The following CNTN6 variants were observed in gnomAD, a reference collection of about 807,000 sequenced individuals.
CNTN6 encodes the protein contactin-6.
Under a neutral mutation model 122.8 loss-of-function variants are expected in CNTN6, and 137 were observed. The observed-to-expected ratio is 1.12, with a 90% CI of 0.97 to 1.29. The LOEUF is 1.29. Ranked by LOEUF, CNTN6 falls within the 50% of genes most tolerant of loss-of-function variation. CNTN6 has a pLI of 0.00. For missense variants in CNTN6, 1,634 were observed against 1,223.4 expected (o/e 1.34, Z -5.01); for synonymous variants, 570 against 426.0 (o/e 1.34, Z -4.16).
chr3:1,346,268 G>T (rs1704680100), intron 11 of CNTN6, among the ~76,000 whole-genome samples: 1 of 152,088 alleles, frequency 6.6e-6, no homozygotes, highest in African/African-American at 2.4e-5. Context: ...TACAATGCAG[G>T]TGCTATCGTT....
At chr3:1,237,286 G>A in intron 4 of CNTN6, among the ~76,000 whole-genome samples, 1 of 151,760 alleles carries the variant, frequency 6.6e-6, no homozygotes, top group East Asian at 1.9e-4. Context: ...GCAGAAGAAA[G>A]AACTTCAGAG....
At chr3:1,192,577 T>C (rs573119874) in intron 2 of CNTN6, among the ~76,000 whole-genome samples, 1 of 152,232 alleles carries the variant, frequency 6.6e-6, no homozygotes, top group East Asian at 1.9e-4. Flanking sequence ...TTTCAGAAGT[T>C]CTGTTCTTCT....
chr3:1,127,056 AAAGT>A (rs1195866443), intron 1 of CNTN6, among the ~76,000 whole-genome samples: 1 of 151,534 alleles, frequency 6.6e-6, no homozygotes, highest in Non-Finnish European at 1.5e-5. Flanking sequence ...AAATTATATA[AAAGT>A]AAATTTAGTT....
In CNTN6 at chr3:1,325,816, T is replaced by C; in HGVS notation, c.948T>C (p.Ala316=). ...NLAKGQLIFY[A]PPEWEQKIQN... Reference sequence around the variant, plus strand: ...GTGGCACTTGCCTTTTTGAAACAGCTCCTCCAGAATGGGAACAGAAAATCC... The same window carrying C: ...GTGGCACTTGCCTTTTTGAAACAGCCCCTCCAGAATGGGAACAGAAAATCC... Residue 316 remains alanine (A), a splice_region_variant and synonymous_variant, in exon 9 of 23, where the codon GCT becomes GCC. Coordinates refer to ENST00000446702, the MANE Select transcript of CNTN6 (RefSeq NM_001289080.2). The C allele has an allele frequency of 6.2e-7, 1 of 1,609,322 alleles. No individual in the cohort carries two copies. The highest frequency in any genetic ancestry group is 8.5e-7 in the Non-Finnish European group (1 of 1,177,802).
intron 2 of CNTN6, 90 bp downstream of exon 2, chr3:1,148,153 A>G (rs2092762944): frequency 1.1e-6 from 1 of 951,822 alleles, no homozygotes; most frequent in Non-Finnish European, 1.7e-6. Flanking sequence ...AAAATGCACA[A>G]TTTGTATGTT....
At chr3:1,358,890 C>G (rs984559422) in intron 12 of CNTN6, among the ~76,000 whole-genome samples, 1 of 151,896 alleles carries the variant, frequency 6.6e-6, no homozygotes, top group Admixed American at 6.6e-5. Flanking sequence ...AAGACCTTAT[C>G]TCTACTAAAA....
intron 8 of CNTN6, among the ~76,000 whole-genome samples, chr3:1,325,072 G>A (rs915795744): frequency 6.6e-6 from 1 of 151,814 alleles, no homozygotes; most frequent in African/African-American, 2.4e-5. Flanking sequence ...ATATTCATGT[G>A]AAAACATTTA....
At chr3:1,166,128 T>G (rs1032764490) in intron 2 of CNTN6, among the ~76,000 whole-genome samples, 10 of 152,240 alleles carry the variant, frequency 6.6e-5, no homozygotes, top group Admixed American at 6.5e-5. Context: ...GGCAGCTCAT[T>G]GGCATCAACT....
At chr3:1,248,752 G>A (rs571640328) in intron 4 of CNTN6, among the ~76,000 whole-genome samples, 17 of 152,162 alleles carry the variant, frequency 1.1e-4, no homozygotes, top group African/African-American at 2.9e-4. Context: ...CCCGAGAGGC[G>A]GAGGTTGCAG....
At chr3:1,382,291 C>G (rs1460871583) in intron 17 of CNTN6, among the ~76,000 whole-genome samples, 1 of 151,998 alleles carries the variant, frequency 6.6e-6, no homozygotes, top group African/African-American at 2.4e-5. Context: ...GGAATATTAC[C>G]AATTTCTATT....
intron 11 of CNTN6, among the ~76,000 whole-genome samples, chr3:1,350,011 T>A (rs1705376632): frequency 6.6e-6 from 1 of 151,858 alleles, no homozygotes; most frequent in Non-Finnish European, 1.5e-5. Flanking sequence ...TTTGGCTATT[T>A]TTATAAAACA....
chr3:1,400,252 T>C (rs1695515560), intron 20 of CNTN6, among the ~76,000 whole-genome samples: 1 of 152,074 alleles, frequency 6.6e-6, no homozygotes, highest in South Asian at 2.1e-4. Flanking sequence ...ATCTCTCCAG[T>C]TTCAATCTCA....
At chr3:1,374,199 C>G (rs562760603) in intron 16 of CNTN6, 126 bp downstream of exon 16, 2 of 862,332 alleles carry the variant, frequency 2.3e-6, no homozygotes, top group African/African-American at 3.5e-5. Flanking sequence ...AAACGAGTGG[C>G]TCTCATTTTC....
chr3:1,196,726 A>G (rs969646884), intron 2 of CNTN6, among the ~76,000 whole-genome samples: 1 of 152,218 alleles, frequency 6.6e-6, no homozygotes, highest in African/African-American at 2.4e-5. Context: ...TAGGAAATTT[A>G]GTAATTTTAA....
At chr3:1,298,119 G>A (rs1013064716) in intron 7 of CNTN6, 128 bp downstream of exon 7, 1 of 639,098 alleles carries the variant, frequency 1.6e-6, no homozygotes, top group Non-Finnish European at 2.7e-6. Context: ...GGCAACAGTG[G>A]AACTTTCTGA....
chr3:1,298,976 C>G (rs1696749424), intron 7 of CNTN6, among the ~76,000 whole-genome samples: 1 of 152,138 alleles, frequency 6.6e-6, no homozygotes, highest in African/African-American at 2.4e-5. Context: ...TTAAATGTCT[C>G]AGTCATATTA....
chr3:1,330,433 C>T (rs908053143), intron 11 of CNTN6, among the ~76,000 whole-genome samples: 5 of 151,764 alleles, frequency 3.3e-5, no homozygotes, highest in African/African-American at 1.2e-4. Flanking sequence ...AGTTGAGAAA[C>T]CCTAGGTCAG....
At chr3:1,098,304 A>G (rs1559304445) in intron 1 of CNTN6, among the ~76,000 whole-genome samples, 1 of 152,084 alleles carries the variant, frequency 6.6e-6, no homozygotes, top group African/African-American at 2.4e-5. Flanking sequence ...TATAAAAGCA[A>G]TGAACAGAAA....
chr3:1,104,750 C>T (rs1490809425), intron 1 of CNTN6, among the ~76,000 whole-genome samples: 1 of 151,732 alleles, frequency 6.6e-6, no homozygotes, highest in Non-Finnish European at 1.5e-5. Context: ...TATGTGTGTA[C>T]GTGTGTGCGT....
Sources: allele counts gnomAD v4.1 joint callset (sites outside exome capture counted in the v4.1 genomes callset), GRCh38; gene constraint gnomAD v4.1.1; transcripts MANE v1.5; gene names NCBI Gene and HGNC (gene_info 2026-07-23, HGNC 2026-07-21).